GLIS2: variants seen among roughly 807,000 people sequenced by gnomAD.
The protein encoded by GLIS2 is zinc finger protein GLIS2.
In GLIS2, 14 loss-of-function variants were observed where a neutral mutation model predicts 35.6. The observed-to-expected ratio is 0.39, with a 90% CI of 0.26 to 0.61. GLIS2 has a LOEUF of 0.61. GLIS2 is among the 20% of genes least tolerant of loss of function. GLIS2 has a pLI of 0.48. For synonymous variants in GLIS2, 368 were observed against 325.1 expected (o/e 1.13, Z -1.42); for missense variants, 675 against 713.4 (o/e 0.95, Z 0.61).
chr16:4,321,534 TG>T (rs1275130574), intron 1 of GLIS2, among the ~76,000 whole-genome samples: 4 of 152,098 alleles, frequency 2.6e-5, no homozygotes, highest in African/African-American at 4.8e-5. Context: ...GATGAGTGGT[TG>T]GGGTTGTTGG....
intron 2 of GLIS2, among the ~76,000 whole-genome samples, chr16:4,333,096 T>C (rs1487913643): frequency 6.6e-6 from 1 of 152,102 alleles, no homozygotes; most frequent in Non-Finnish European, 1.5e-5. Flanking sequence ...TGCCAGACCA[T>C]TCCCGTCTGC....
intron 1 of GLIS2, among the ~76,000 whole-genome samples, chr16:4,318,985 TG>T (rs1057169498): frequency 3.3e-5 from 5 of 151,804 alleles, no homozygotes; most frequent in African/African-American, 7.3e-5. Context: ...TGGGGCATCT[TG>T]GGGGGGCTCC....
intron 1 of GLIS2, among the ~76,000 whole-genome samples, chr16:4,326,133 A>C (rs1368043761): frequency 6.6e-6 from 1 of 151,586 alleles, no homozygotes; most frequent in African/African-American, 2.4e-5. Context: ...TAGTCCCAGC[A>C]ACTCAGGAGG....
At chr16:4,333,658 G>T in intron 3 of GLIS2, 139 bp downstream of exon 3, 1 of 1,008,624 alleles carries the variant, frequency 9.9e-7, no homozygotes, top group Non-Finnish European at 1.4e-6. Flanking sequence ...CTACCTGGAA[G>T]GCTCTAGGGG....
intron 1 of GLIS2, among the ~76,000 whole-genome samples, chr16:4,327,977 G>A (rs2053455445): frequency 6.6e-6 from 1 of 152,024 alleles, no homozygotes. Flanking sequence ...GTGCTCGAGA[G>A]ACGCGGCCCT....
At chr16:4,318,605 C>T (rs1380033757) in intron 1 of GLIS2, among the ~76,000 whole-genome samples, 1 of 152,210 alleles carries the variant, frequency 6.6e-6, no homozygotes, top group Non-Finnish European at 1.5e-5. Context: ...TGAGAGTGAA[C>T]AGGCCGGAGG....
Position 4,337,387 on chromosome 16 carries a change from C to A in GLIS2, c.1438C>A (p.Leu480Ile). ...SSCSRPSPDG[L>I]PLLPGTVLDL... ...CTGCTCCCGGCCAAGCCCCGATGGACTCCCCCTGCTGCCAGGCACCGTGCT... is the reference window on the plus strand; with the variant it reads ...CTGCTCCCGGCCAAGCCCCGATGGAATCCCCCTGCTGCCAGGCACCGTGCT... Residue 480 changes from leucine (L) to isoleucine (I), a missense_variant, in exon 7 of 7, where the codon CTC (leucine) becomes ATC (isoleucine). Around this residue, in one of 3 missense-constraint regions of GLIS2, gnomAD observed 317 missense variants for 283.2 expected, o/e 1.12. Coordinates refer to ENST00000433375, the MANE Select transcript of GLIS2 (RefSeq NM_032575.3). The A allele has an allele frequency of 6.3e-7, 1 of 1,593,350 alleles. No homozygotes were observed.
rs550647431 is a variant in GLIS2, at chr16:4,325,460, C to A, written c.-66-6755C>A. 4 of 152,470 alleles carry A rather than the reference C, an allele frequency of 2.6e-5. No individual in the cohort carries two copies. In the East Asian group the frequency reaches 7.7e-4, roughly 29 times the overall value. The allele number at this position is 152,470 out of a possible 1,614,324, so 9.4% of individuals were successfully genotyped here. ...GTGGCTTCTGGTTGTGGGTTTGCCACCTACTTGTGCAGCCTGGGCTGGATG... is the reference window on the plus strand; with the variant it reads ...GTGGCTTCTGGTTGTGGGTTTGCCAACTACTTGTGCAGCCTGGGCTGGATG... On this transcript the variant is annotated intron_variant, in intron 1 of 6. Coordinates refer to ENST00000433375, the MANE Select transcript of GLIS2 (RefSeq NM_032575.3).
chr16:4,320,084 C>T lies in GLIS2; in HGVS notation c.-67+3830C>T, dbSNP rs2053362090. The stretch of plus-strand genomic sequence containing the variant: ...GACTTGGGCTCCTCGTGCCCTTTGT[C>T]TTCGGTGCTTGAGAGGCCAGGTAGT... On this transcript the variant is annotated intron_variant, in intron 1 of 6. Transcript: ENST00000433375. This position sits in a 1 kb window ranked among gnomAD's most constrained non-coding sequence, Gnocchi z 5.6. Among the ~76,000 whole-genome samples the T allele has an allele frequency of 6.6e-6, 1 of 152,110 alleles. No individual in the cohort carries two copies.
rs1261345371 is a variant in GLIS2 at position 4,316,120 on chromosome 16, G to C, written c.-201G>C. 1.0e-5 allele frequency among the ~76,000 whole-genome samples: 1 copy of C among 99,760 alleles called. No individual in the cohort carries two copies. The highest frequency in any genetic ancestry group is 2.0e-5 in the Non-Finnish European group (1 of 49,880). The allele number at this position is 99,760 out of a possible 152,430, so 65.4% of individuals were successfully genotyped here. ...CGGAGCGGCCGGGCGCCGGGCGGCC[G>C]TGCCAGGGGAGCCCGCGCCCCGTGA... On this transcript the variant is annotated 5_prime_UTR_variant, in exon 1 of 7. Coordinates refer to ENST00000433375, the MANE Select transcript of GLIS2 (RefSeq NM_032575.3).
intron 1 of GLIS2, among the ~76,000 whole-genome samples, chr16:4,316,988 C>T (rs2053320723): frequency 6.6e-6 from 1 of 152,300 alleles, no homozygotes; most frequent in Non-Finnish European, 1.5e-5. Flanking sequence ...CCCGCTGGCC[C>T]CCTGGGATGG....
chr16:4,335,442 T>C lies in GLIS2; in HGVS notation c.775+49T>C, dbSNP rs951135557. On this transcript the variant is annotated intron_variant, in intron 6 of 6. Transcript: ENST00000433375. The surrounding 1 kb of genome is among the most constrained non-coding windows in gnomAD (Gnocchi z 4.6). ...TTGGCCCATGAAGGGGGCGCTCAGCTGAGACCGGCTGGGCAGGTCCCCAGG... is the reference window on the plus strand; with the variant it reads ...TTGGCCCATGAAGGGGGCGCTCAGCCGAGACCGGCTGGGCAGGTCCCCAGG... 2.6e-6 allele frequency: 4 copies of C among 1,542,472 alleles called. No individual in the cohort carries two copies. The highest frequency in any genetic ancestry group is 2.7e-6 in the Non-Finnish European group (3 of 1,116,656).
At chr16:4,316,045 G>A (rs1318743168), upstream of GLIS2, among the ~76,000 whole-genome samples, 1 of 40,328 alleles carries the variant, frequency 2.5e-5, no homozygotes, top group Non-Finnish European at 4.7e-5. Context: ...AGACATCCCC[G>A]CACGGCCCGG....
At position 4,337,549 on chromosome 16, in the gene GLIS2, G is replaced by C; in HGVS notation, c.*25G>C. 4.5e-6 allele frequency: 7 copies of C among 1,543,502 alleles called. No individual in the cohort carries two copies. The highest frequency in any genetic ancestry group is 6.1e-6 in the Non-Finnish European group (7 of 1,150,144). On this transcript the variant is annotated 3_prime_UTR_variant, in exon 7 of 7. Coordinates refer to ENST00000433375, the MANE Select transcript of GLIS2 (RefSeq NM_032575.3). ...AGCCCATCCTGCGGACAGTTGTGGT[G>C]CCCCCCCGGCAGCTCCCGGCACTGC...
chr16:4,334,800 G>A lies in GLIS2; in HGVS notation c.346-1G>A, dbSNP rs1443552915. 6.2e-7 allele frequency: 1 copy of A among 1,613,320 alleles called. No homozygotes were observed. Among genetic ancestry groups the A allele is most frequent in the Admixed American group, 1.7e-5 (1 of 59,992 alleles). Reference sequence around the variant, plus strand: ...TGACTAGCCCTCCCCTCGCACCCCAGGACTTCCAGCCACTGCGCTATTTGG... The same window carrying A: ...TGACTAGCCCTCCCCTCGCACCCCAAGACTTCCAGCCACTGCGCTATTTGG... On this transcript the variant is annotated splice_acceptor_variant, in intron 3 of 6. Coordinates refer to ENST00000433375, the MANE Select transcript of GLIS2 (RefSeq NM_032575.3). LOFTEE classifies it high-confidence loss of function.
chr16:4,335,513 G>T lies in GLIS2; in HGVS notation c.775+120G>T. 1.1e-6 allele frequency: 1 copy of T among 887,572 alleles called. No individual in the cohort carries two copies. The highest frequency in any genetic ancestry group is 1.8e-6 in the Non-Finnish European group (1 of 555,894). The allele number at this position is 887,572 out of a possible 1,614,324, so 55.0% of individuals were successfully genotyped here. Reference sequence around the variant, plus strand: ...ATCCCGGGCCTCAGAGATAAGGGTTGATGTCATCGCCCAGGGGTCCCTTTT... The same window carrying T: ...ATCCCGGGCCTCAGAGATAAGGGTTTATGTCATCGCCCAGGGGTCCCTTTT... On this transcript the variant is annotated intron_variant, in intron 6 of 6. Transcript: ENST00000433375. The surrounding 1 kb of genome is among the most constrained non-coding windows in gnomAD (Gnocchi z 4.6).
intron 1 of GLIS2, among the ~76,000 whole-genome samples, chr16:4,327,862 G>T (rs576212595): frequency 6.9e-4 from 105 of 152,248 alleles, no homozygotes; most frequent in African/African-American, 2.5e-3. Context: ...CCGCGCAGCG[G>T]CCGGTTCCGC....
chr16:4,329,778 T>C lies in GLIS2; in HGVS notation c.-66-2437T>C, dbSNP rs114845398. Among the ~76,000 whole-genome samples, 455 of 152,320 alleles carry C rather than the reference T, an allele frequency of 3.0e-3. 3 individuals are homozygous for C. Among genetic ancestry groups the C allele is most frequent in the African/African-American group, 9.4e-3 (391 of 41,580 alleles). ...CTTTGGTATTGAGTAAAGACCCCAA[T>C]ACCGCGAAAGACGGGATCTCACAGC... is the stretch of plus-strand genomic sequence containing the variant. On this transcript the variant is annotated intron_variant, in intron 1 of 6. Coordinates refer to ENST00000433375, the MANE Select transcript of GLIS2 (RefSeq NM_032575.3).
chr16:4,321,231 GT>G lies in GLIS2; in HGVS notation c.-67+4978del, dbSNP rs1410402661. ...CTTCCCACCATCCCAGCTGGCCAGG[GT>G]GGTTCCTAGGGGCCACCACACCCTT... On this transcript the variant is annotated intron_variant, in intron 1 of 6. Transcript: ENST00000433375. 1.4e-3 allele frequency among the ~76,000 whole-genome samples: 209 copies of G among 152,234 alleles called. 1 individual carries two copies. Among genetic ancestry groups the G allele is most frequent in the African/African-American group, 4.6e-3 (191 of 41,538 alleles).
Sources: gnomAD v4.1 joint callset for allele counts (sites outside exome capture counted in the v4.1 genomes callset) on GRCh38, gnomAD v4.1.1 for gene constraint, gnomAD v4.1.1 regional missense constraint, Gnocchi (gnomAD v3.1) non-coding constraint, MANE v1.5 for transcripts, NCBI Gene and HGNC (gene_info 2026-07-23, HGNC 2026-07-21) for gene names.